EFNA5: variants seen among roughly 807,000 people sequenced by gnomAD.
EFNA5 encodes ephrin-A5.
Under a neutral mutation model 22.9 loss-of-function variants are expected in EFNA5, and 5 were observed. The observed-to-expected ratio is 0.22, with a 90% CI of 0.11 to 0.46. The LOEUF (loss-of-function observed/expected upper bound fraction) is 0.46. Among genes scored for constraint, EFNA5 ranks in the 20% least tolerant of loss-of-function variants. The pLI, the probability that EFNA5 is intolerant of heterozygous loss-of-function variation, is 0.99. For synonymous variants in EFNA5, 113 were observed against 112.2 expected (o/e 1.01, Z -0.04); for missense variants, 237 against 293.3 (o/e 0.81, Z 1.40).
chr5:107,526,562 T>C (rs1357560325), intron 1 of EFNA5, among the ~76,000 whole-genome samples: 1 of 152,234 alleles, frequency 6.6e-6, no homozygotes, highest in African/African-American at 2.4e-5. Flanking sequence ...CTAGAAATCA[T>C]CTTTATATGT....
chr5:107,490,801 T>C (rs894497433), intron 1 of EFNA5, among the ~76,000 whole-genome samples: 1 of 152,188 alleles, frequency 6.6e-6, no homozygotes, highest in Non-Finnish European at 1.5e-5. Flanking sequence ...CACCATCCAG[T>C]GGGGAAAAGC....
intron 2 of EFNA5, among the ~76,000 whole-genome samples, chr5:107,408,933 G>T (rs1748292721): frequency 6.6e-6 from 1 of 152,214 alleles, no homozygotes; most frequent in African/African-American, 2.4e-5. Flanking sequence ...TTGTTCTGAA[G>T]AAAGAAGCAA....
intron 1 of EFNA5, among the ~76,000 whole-genome samples, chr5:107,639,760 TCAAA>T (rs1426688655): frequency 2.0e-5 from 3 of 152,296 alleles, no homozygotes; most frequent in African/African-American, 4.8e-5. Flanking sequence ...CATTTCATTA[TCAAA>T]CAAATGTCTA....
intron 1 of EFNA5, among the ~76,000 whole-genome samples, chr5:107,523,245 G>C (rs1452369821): frequency 6.6e-6 from 1 of 151,888 alleles, no homozygotes; most frequent in African/African-American, 2.4e-5. Context: ...ATCCAGAGTT[G>C]GGAAATAGCC....
chr5:107,593,304 G>A (rs771193096), intron 1 of EFNA5, among the ~76,000 whole-genome samples: 2 of 152,222 alleles, frequency 1.3e-5, no homozygotes, highest in East Asian at 1.9e-4. Flanking sequence ...GCACAGGACC[G>A]GACTTCAGTA....
In EFNA5 at chr5:107,654,795, AT is replaced by A. The variant is rs556024837; in HGVS notation, c.125+15693del. Among the ~76,000 whole-genome samples, 143 of 152,260 alleles carry A rather than the reference AT, an allele frequency of 9.4e-4. 1 individual carries two copies. The highest frequency in any genetic ancestry group is 3.4e-3 in the African/African-American group (142 of 41,564). On this transcript the variant is annotated intron_variant, in intron 1 of 4. Transcript: ENST00000333274. ...CAACCCATTCCTCCCTCCAAAAAAA[AT>A]AATGAGGTAAAAGGTGATGCACCAG...
chr5:107,477,136 C>T (rs1343011554), intron 1 of EFNA5, among the ~76,000 whole-genome samples: 3 of 151,960 alleles, frequency 2.0e-5, no homozygotes, highest in Non-Finnish European at 4.4e-5. Context: ...AAACATCACA[C>T]AGTTTCAAAA....
At chr5:107,669,628 A>G (rs1751144913) in intron 1 of EFNA5, among the ~76,000 whole-genome samples, 1 of 152,076 alleles carries the variant, frequency 6.6e-6, no homozygotes, top group Non-Finnish European at 1.5e-5. Flanking sequence ...GCCCACCTCT[A>G]GTCTCCCGCA....
chr5:107,442,910 G>C (rs1161190705), intron 1 of EFNA5, among the ~76,000 whole-genome samples: 2 of 133,008 alleles, frequency 1.5e-5, no homozygotes, highest in Non-Finnish European at 3.1e-5. Flanking sequence ...TTCCCGAGGA[G>C]CGAAAGTTCC....
chr5:107,659,808 T>C (rs1239985738), intron 1 of EFNA5, among the ~76,000 whole-genome samples: 2 of 152,154 alleles, frequency 1.3e-5, no homozygotes, highest in African/African-American at 4.8e-5. Flanking sequence ...TATTGCTGGT[T>C]CTCTCAGTTC....
chr5:107,399,224 G>A (rs1036236916), intron 2 of EFNA5, among the ~76,000 whole-genome samples: 3 of 151,862 alleles, frequency 2.0e-5, no homozygotes, highest in Non-Finnish European at 2.9e-5. Context: ...GGCCAAGGCG[G>A]GCAGATCACC....
At chr5:107,509,727 C>T (rs897823521) in intron 1 of EFNA5, among the ~76,000 whole-genome samples, 2 of 152,054 alleles carry the variant, frequency 1.3e-5, no homozygotes, top group Admixed American at 6.5e-5. Context: ...CACTGGAATA[C>T]GGCCTTCACG....
At chr5:107,629,120 T>C (rs1237198994) in intron 1 of EFNA5, among the ~76,000 whole-genome samples, 1 of 152,196 alleles carries the variant, frequency 6.6e-6, no homozygotes, top group East Asian at 1.9e-4. Context: ...TAAAAATTAC[T>C]ACGTGCATGT....
At chr5:107,497,589 G>A (rs922456079) in intron 1 of EFNA5, among the ~76,000 whole-genome samples, 5 of 151,898 alleles carry the variant, frequency 3.3e-5, no homozygotes, top group Non-Finnish European at 5.9e-5. Flanking sequence ...TGCATCTCAC[G>A]GCTACCTAGG....
Position 107,670,602 on chromosome 5 carries a change from C to A in EFNA5, c.12G>T (p.Val4=). 1 of 1,603,520 alleles carries A rather than the reference C, an allele frequency of 6.2e-7. No homozygotes were observed. The highest frequency in any genetic ancestry group is 8.5e-7 in the Non-Finnish European group (1 of 1,175,540). ...CCAGAAACACCAGCGTCAACATCTC[C>A]ACGTGCAACATCACGCCTGGCCAGC... MLH[V]EMLTLVFLVL... The change falls in exon 1 of 5, where the codon GTG becomes GTT. Residue 4 remains valine, a synonymous_variant. Transcript: ENST00000333274.
chr5:107,641,354 T>C (rs1364815609), intron 1 of EFNA5, among the ~76,000 whole-genome samples: 1 of 77,686 alleles, frequency 1.3e-5, no homozygotes, highest in African/African-American at 4.0e-5. Flanking sequence ...TGAGACTCTG[T>C]CTCAAAAAAA....
intron 1 of EFNA5, among the ~76,000 whole-genome samples, chr5:107,661,904 C>T (rs1488840121): frequency 5.3e-5 from 8 of 152,134 alleles, no homozygotes; most frequent in Non-Finnish European, 1.0e-4. Context: ...TTAATTCAAA[C>T]CACAACACTG....
At chr5:107,406,091 A>G (rs446744) in intron 2 of EFNA5, among the ~76,000 whole-genome samples, 613 of 29,754 alleles carry the variant, frequency 0.021, 36 homozygotes, top group Non-Finnish European at 0.028. Context: ...ACAAATACCT[A>G]TATTTGTATA....
In EFNA5 at chr5:107,377,967, C is replaced by T. The variant is rs570203020; in HGVS notation, c.*3288G>A. 6.6e-6 allele frequency: 1 copy of T among 152,156 alleles called. No individual in the cohort carries two copies. Among genetic ancestry groups the T allele is most frequent in the East Asian group, 1.9e-4 (1 of 5,168 alleles). 9.4% of individuals were successfully genotyped at this position (152,156 alleles called of 1,614,324 possible). On this transcript the variant is annotated 3_prime_UTR_variant, in exon 5 of 5. Coordinates refer to ENST00000333274, the MANE Select transcript of EFNA5 (RefSeq NM_001962.3). Reference sequence around the variant, plus strand: ...TGATGGAGTCATAAGATTGGGTGGGCAATGACCACACATGAGTCCTGTATG... The same window carrying T: ...TGATGGAGTCATAAGATTGGGTGGGTAATGACCACACATGAGTCCTGTATG...
Sources: allele counts gnomAD v4.1 joint callset (sites outside exome capture counted in the v4.1 genomes callset), GRCh38; gene constraint gnomAD v4.1.1; transcripts MANE v1.5; gene names NCBI Gene and HGNC (gene_info 2026-07-23, HGNC 2026-07-21).